The following CASP9 variants were observed in gnomAD, a reference collection of about 807,000 sequenced individuals.
The protein encoded by CASP9 is caspase-9.
Under a neutral mutation model 43.5 loss-of-function variants are expected in CASP9, and 29 were observed. That is an observed-to-expected ratio of 0.67 (90% CI 0.50 to 0.91). The LOEUF is 0.91. CASP9 is among the 40% of genes least tolerant of loss of function. The pLI is 0.00. For synonymous variants in CASP9, 206 were observed against 211.9 expected (o/e 0.97, Z 0.24); for missense variants, 575 against 537.4 (o/e 1.07, Z -0.69).
At chr1:15,516,749 G>GAACTAGACA (rs1709965995) in intron 2 of CASP9, among the ~76,000 whole-genome samples, 1 of 152,016 alleles carries the variant, frequency 6.6e-6, no homozygotes, top group Non-Finnish European at 1.5e-5. Context: ...AGAACTAGAC[G>GAACTAGACA]CACATGCAAG....
rs760275678 is a variant in CASP9 at position 15,495,376 on chromosome 1, A to T, written c.945T>A (p.Asp315Glu). Residue 315 changes from aspartate (D) to glutamate (E), a missense_variant, in exon 7 of 9, where the codon GAT becomes GAA. Asp to Glu is a conservative substitution (Grantham distance 45, BLOSUM62 2). Coordinates refer to ENST00000333868, the MANE Select transcript of CASP9 (RefSeq NM_001229.5). ...TCAAACCTTCCTGGAACGGGGTGGC[A>T]TCTGGCTCGGGGTTACTGCCAGGGG... ...DESPGSNPEP[D>E]ATPFQEGLRT... 3.7e-6 allele frequency: 6 copies of T among 1,609,374 alleles called. No homozygotes were observed. The highest frequency in any genetic ancestry group is 3.3e-4 in the Middle Eastern group (2 of 6,080).
At chr1:15,510,957 C>G (rs1011284926) in intron 2 of CASP9, among the ~76,000 whole-genome samples, 1 of 152,170 alleles carries the variant, frequency 6.6e-6, no homozygotes, top group African/African-American at 2.4e-5. Context: ...CCCTCCGAAC[C>G]TATGCTGGAA....
Position 15,507,873 on chromosome 1 carries a change from C to A in CASP9, c.453G>T (p.Leu151Phe). ...TGGCCCAAATTTCATGGAGACTCAC[C>A]AAATCTGCATTTCCCCTCAAACTCT... is the stretch of plus-strand genomic sequence containing the variant. ...ALESLRGNADLAYILSMEPCG... is the reference protein window; with the variant it reads ...ALESLRGNADFAYILSMEPCG... The change falls in exon 3 of 9, where the codon TTG (leucine) becomes TTT (phenylalanine). Residue 151 changes from leucine to phenylalanine, a missense_variant and splice_region_variant. Transcript: ENST00000333868. 1 of 1,614,094 alleles carries A rather than the reference C, an allele frequency of 6.2e-7. No homozygotes were observed. The highest frequency in any genetic ancestry group is 1.7e-4 in the Middle Eastern group (1 of 6,056).
At position 15,495,463 on chromosome 1, in the gene CASP9, C is replaced by A; in HGVS notation, c.869-11G>T. ...CATGGTCTTTCTGCTCTGCAGGAAG[C>A]AGAAACAAACACCTCTTGTCATTGA... On this transcript the variant is annotated splice_polypyrimidine_tract_variant and intron_variant, in intron 6 of 8. Transcript: ENST00000333868. The A allele has an allele frequency of 1.3e-6, 2 of 1,560,724 alleles. No individual in the cohort carries two copies. Among genetic ancestry groups the A allele is most frequent in the Non-Finnish European group, 1.7e-6 (2 of 1,155,170 alleles).
chr1:15,524,453 ATCACCGCGCCGCC>A, upstream of CASP9: 2 of 813,244 alleles, frequency 2.5e-6, no homozygotes, highest in East Asian at 8.3e-5. Flanking sequence ...CAAGCCTCCC[ATCACCGCGCCGCC>A]CCAGAACACG....
chr1:15,512,390 C>T (rs555783505), intron 2 of CASP9, among the ~76,000 whole-genome samples: 23 of 152,312 alleles, frequency 1.5e-4, no homozygotes, highest in African/African-American at 5.1e-4. Context: ...TGGTGGGCCG[C>T]GTCCAATCCG....
chr1:15,524,850 A>G (rs1487557926), upstream of CASP9: 24 of 852,200 alleles, frequency 2.8e-5, no homozygotes, highest in East Asian at 3.7e-3. Flanking sequence ...CTCAGGACGC[A>G]CCTCAGCGCC....
chr1:15,524,358 G>A (rs1303781377), upstream of CASP9: 3 of 1,385,862 alleles, frequency 2.2e-6, no homozygotes, highest in Non-Finnish European at 2.8e-6. Context: ...GCATCTCCAA[G>A]GCCTCGCCCC....
rs961660659 is a variant in CASP9 at position 15,518,134 on chromosome 1, C to A, written c.394G>T (p.Gly132Cys). 6.2e-7 allele frequency: 1 copy of A among 1,614,124 alleles called. No individual in the cohort carries two copies. Among genetic ancestry groups the A allele is most frequent in the Non-Finnish European group, 8.5e-7 (1 of 1,180,054 alleles). ...RPETPRPVDIGSGGFGDVGAL... is the reference protein window; with the variant it reads ...RPETPRPVDICSGGFGDVGAL... ...CCGACATCACCAAATCCTCCAGAAC[C>A]AATGTCCACTGGTCTGGGTGTTTCC... Residue 132 changes from glycine (G) to cysteine (C), a missense_variant, in exon 2 of 9, where the codon GGT (glycine) becomes TGT (cysteine). By Grantham distance (159) the Gly-to-Cys change is radical. Coordinates refer to ENST00000333868, the MANE Select transcript of CASP9 (RefSeq NM_001229.5).
Position 15,491,511 on chromosome 1 carries a change from A to G in CASP9, c.*1432T>C, listed in dbSNP as rs958586132. On this transcript the variant is annotated 3_prime_UTR_variant, in exon 9 of 9. Transcript: ENST00000333868. ...AATGGCTCAAGCCTGTAACCCCTGC[A>G]CTTTGGGAGGCTAAGGCAGGCTGAT... 3.1e-6 allele frequency: 2 copies of G among 649,430 alleles called. No individual in the cohort carries two copies. The highest frequency in any genetic ancestry group is 2.9e-5 in the Admixed American group (1 of 34,666). 40.2% of individuals were successfully genotyped at this position (649,430 alleles called of 1,614,324 possible). A position where few individuals can be genotyped will look rare whatever the true frequency, so the allele number is the denominator to read the frequency against.
In CASP9 at chr1:15,492,797, C is replaced by G. The variant is rs1708939288; in HGVS notation, c.*146G>C. 9.0e-7 allele frequency: 1 copy of G among 1,117,118 alleles called. No individual in the cohort carries two copies. Among genetic ancestry groups the G allele is most frequent in the South Asian group, 1.5e-5 (1 of 65,978 alleles). The allele number at this position is 1,117,118 out of a possible 1,614,324, so 69.2% of individuals were successfully genotyped here. On this transcript the variant is annotated 3_prime_UTR_variant, in exon 9 of 9. Coordinates refer to ENST00000333868, the MANE Select transcript of CASP9 (RefSeq NM_001229.5). ...TCGTCAATCTGGAAGCTGCTAAGAGCCTGTCTGTCACTGGCAGAGAAAGAG... is the reference window on the plus strand; with the variant it reads ...TCGTCAATCTGGAAGCTGCTAAGAGGCTGTCTGTCACTGGCAGAGAAAGAG...
At chr1:15,506,794 T>G (rs1214381600) in intron 4 of CASP9, 105 bp downstream of exon 4, 2 of 951,092 alleles carry the variant, frequency 2.1e-6, no homozygotes, top group Admixed American at 2.2e-5. Context: ...GTCCTCCAGA[T>G]GTAAGGGCTC....
chr1:15,522,704 C>A (rs1030764525), intron 1 of CASP9, among the ~76,000 whole-genome samples: 7 of 152,158 alleles, frequency 4.6e-5, no homozygotes, highest in African/African-American at 1.4e-4. Context: ...AAGAGTGAGA[C>A]CCTGCCTCAA....
At chr1:15,518,089 A>C (rs370869725) in intron 2 of CASP9, 21 bp downstream of exon 2, 9 of 1,610,814 alleles carry the variant, frequency 5.6e-6, no homozygotes, top group Non-Finnish European at 7.6e-6. Flanking sequence ...CCCACCCACC[A>C]ATCACTCTCT....
intron 3 of CASP9, 110 bp downstream of exon 3, chr1:15,507,763 C>G (rs1709581027): frequency 9.6e-7 from 1 of 1,040,966 alleles, no homozygotes. Context: ...ACTGCACTGC[C>G]TAGGGTTGGG....
chr1:15,520,311 C>T (rs542911429), intron 1 of CASP9, among the ~76,000 whole-genome samples: 23 of 151,944 alleles, frequency 1.5e-4, no homozygotes, highest in South Asian at 1.5e-3. Flanking sequence ...ACCCAGGTGC[C>T]GAGGCAAGAG....
At chr1:15,514,563 C>T (rs1295495363) in intron 2 of CASP9, among the ~76,000 whole-genome samples, 2 of 152,234 alleles carry the variant, frequency 1.3e-5, no homozygotes, top group Non-Finnish European at 2.9e-5. Context: ...CTGGAACTCA[C>T]TTTGTGACTG....
Position 15,507,051 on chromosome 1 carries a change from A to G in CASP9, c.478T>C (p.Cys160Arg). The G allele has an allele frequency of 6.2e-7, 1 of 1,614,196 alleles. No homozygotes were observed. Among genetic ancestry groups the G allele is most frequent in the Non-Finnish European group, 8.5e-7 (1 of 1,180,020 alleles). ...TTGTTGATAATGAGGCAGTGGCCACAGGGCTCCATGCTCAGGATGTAAGCC... is the reference window on the plus strand; with the variant it reads ...TTGTTGATAATGAGGCAGTGGCCACGGGGCTCCATGCTCAGGATGTAAGCC... ...DLAYILSMEP[C>R]GHCLIINNVN... Residue 160 changes from cysteine to arginine, a missense_variant, in exon 4 of 9, where the codon TGT becomes CGT. Physicochemically the swap from Cys to Arg is radical, Grantham distance 180. Coordinates refer to ENST00000333868, the MANE Select transcript of CASP9 (RefSeq NM_001229.5).
At chr1:15,510,623 C>T (rs1175704671) in intron 2 of CASP9, among the ~76,000 whole-genome samples, 1 of 152,028 alleles carries the variant, frequency 6.6e-6, no homozygotes, top group Non-Finnish European at 1.5e-5. Context: ...ATGGAGGGAG[C>T]AAATCAACCA....
Sources: allele counts gnomAD v4.1 joint callset (sites outside exome capture counted in the v4.1 genomes callset), GRCh38; gene constraint gnomAD v4.1.1; transcripts MANE v1.5; gene names NCBI Gene and HGNC (gene_info 2026-07-23, HGNC 2026-07-21).